Variants in MFSD12 observed in about 807,000 individuals in gnomAD.
MFSD12 encodes the protein major facilitator superfamily domain containing 12, also known as major facilitator superfamily domain-containing protein 12.
Under a neutral mutation model 51.2 loss-of-function variants are expected in MFSD12, and 67 were observed. The observed-to-expected ratio is 1.31, with a 90% CI of 1.08 to 1.60. MFSD12 has a LOEUF of 1.60. MFSD12 is among the 40% of genes most tolerant of loss of function. The pLI is 0.00. For synonymous variants in MFSD12, 441 were observed against 316.7 expected (o/e 1.39, Z -4.17); for missense variants, 921 against 673.0 (o/e 1.37, Z -4.08).
chr19:3,543,331 C>T (rs762235387), downstream of MFSD12: 15 of 1,549,270 alleles, frequency 9.7e-6, no homozygotes, highest in South Asian at 1.5e-4. Flanking sequence ...ACGCAGCCGG[C>T]CAGCTGTGGT....
chr19:3,544,717 C>T lies in MFSD12; in HGVS notation c.1436G>A (p.Arg479Gln), dbSNP rs185575155. The change falls in exon 10 of 10, where the codon CGG becomes CAG. Residue 479 changes from arginine to glutamine, a missense_variant. By Grantham distance (43) the Arg-to-Gln change is conservative. Transcript: ENST00000355415. ...GCAGGAGGCTGTCAGGAGTCAGGGC[C>T]GGGCATCACGGTCCCCTGCAAGGGA... ...TRLRRWDRDA[R>Q]P 171 of 1,455,852 alleles carry T rather than the reference C, an allele frequency of 1.2e-4. No individual in the cohort carries two copies. Among genetic ancestry groups the T allele is most frequent in the Admixed American group, 2.8e-4 (15 of 54,348 alleles). 90.2% of individuals were successfully genotyped at this position (1,455,852 alleles called of 1,614,324 possible).
downstream of MFSD12, chr19:3,544,090 C>T (rs115095214): frequency 1.6e-3 from 2,275 of 1,449,414 alleles, 31 homozygotes; most frequent in African/African-American, 0.019. Context: ...ACCAGAGGCT[C>T]GGGACAGAGG....
downstream of MFSD12, chr19:3,541,771 A>C (rs1307577066): frequency 5.1e-6 from 5 of 985,244 alleles, no homozygotes; most frequent in Non-Finnish European, 4.8e-6. Flanking sequence ...GGCCGACAGC[A>C]GGGGTGAGGG....
At chr19:3,543,987 TCCCTC>T, downstream of MFSD12, 1 of 1,546,392 alleles carries the variant, frequency 6.5e-7, no homozygotes, top group Non-Finnish European at 8.7e-7. Context: ...GTCCCCGCCT[TCCCTC>T]ACACCCACTC....
At chr19:3,543,872 A>G, downstream of MFSD12, 1 of 1,549,892 alleles carries the variant, frequency 6.5e-7, no homozygotes, top group East Asian at 2.4e-5. Flanking sequence ...TGTGGAGGGC[A>G]TCAGACTACG....
downstream of MFSD12, chr19:3,544,043 G>A (rs1043685031): frequency 7.3e-6 from 11 of 1,501,670 alleles, no homozygotes; most frequent in African/African-American, 4.2e-5. Flanking sequence ...CACTGTCTCT[G>A]CACCCAGATG....
chr19:3,543,535 C>T, downstream of MFSD12: 1 of 1,515,898 alleles, frequency 6.6e-7, no homozygotes, highest in Non-Finnish European at 8.8e-7. Flanking sequence ...GAATGACCGC[C>T]AGCCCCCGCC....
Position 3,544,249 on chromosome 19 carries a change from C to A in MFSD12, c.*461G>T. On this transcript the variant is annotated 3_prime_UTR_variant, in exon 10 of 10. Coordinates refer to ENST00000355415, the MANE Select transcript of MFSD12 (RefSeq NM_174983.5). ...AGCAGAGTCCACCAAGCCTGCCGGG[C>A]AGCCCTGCTGCCCACCACGGTGGGG... The A allele has an allele frequency of 7.6e-7, 1 of 1,319,206 alleles. No individual in the cohort carries two copies. Among genetic ancestry groups the A allele is most frequent in the Non-Finnish European group, 9.7e-7 (1 of 1,036,254 alleles). The allele number at this position is 1,319,206 out of a possible 1,614,324, so 81.7% of individuals were successfully genotyped here.
In MFSD12 at chr19:3,547,992, G is replaced by C. The variant is rs374209939; in HGVS notation, c.693C>G (p.Phe231Leu). The C allele has an allele frequency of 8.8e-6, 14 of 1,598,976 alleles. No homozygotes were observed. Among genetic ancestry groups the C allele is most frequent in the African/African-American group, 1.3e-5 (1 of 74,736 alleles). Residue 231 changes from phenylalanine to leucine, a missense_variant, in exon 4 of 10, where the codon TTC becomes TTG. By Grantham distance (22) the Phe-to-Leu change is conservative (BLOSUM62 0). Coordinates refer to ENST00000355415, the MANE Select transcript of MFSD12 (RefSeq NM_174983.5). ...SLLVVGVGAV[F>L]SLLFHLGTRE... ...GGGTGCCCAGGTGGAATAGCAGTGA[G>C]AACACGGCGCCGACACCCACCACCA...
intron 3 of MFSD12, 46 bp from the exon 4 acceptor site, chr19:3,548,076 G>GC (rs763065475): frequency 6.2e-7 from 1 of 1,600,244 alleles, no homozygotes; most frequent in Non-Finnish European, 8.5e-7. Context: ...CCCAGCCCCC[G>GC]CCCCTGGCTC....
chr19:3,543,369 G>A, downstream of MFSD12: 2 of 1,549,274 alleles, frequency 1.3e-6, no homozygotes, highest in Non-Finnish European at 1.7e-6. Flanking sequence ...TCGGACGCCT[G>A]GGAAGCCTGG....
rs866366096 is a variant in MFSD12 at position 3,547,454 on chromosome 19, C to A, written c.930+1G>T. On this transcript the variant is annotated splice_donor_variant, in intron 5 of 9. Transcript: ENST00000355415. LOFTEE classifies it high-confidence loss of function. ...CAGCGTCCCCGCCCCAATCTGCTCA[C>A]CTTGGGCAGGTGGAGCGAGTAGGTG... 1.9e-6 allele frequency: 3 copies of A among 1,612,848 alleles called. No individual in the cohort carries two copies. The highest frequency in any genetic ancestry group is 2.5e-6 in the Non-Finnish European group (3 of 1,179,768).
downstream of MFSD12, chr19:3,544,089 TCGGGACAGAGGCA>T: frequency 6.9e-7 from 1 of 1,450,108 alleles, no homozygotes; most frequent in Non-Finnish European, 9.2e-7. Context: ...GACCAGAGGC[TCGGGACAGAGGCA>T]GACACTGGGC....
chr19:3,551,045 G>C lies in MFSD12; in HGVS notation c.448C>G (p.Leu150Val). 1 of 1,612,986 alleles carries C rather than the reference G, an allele frequency of 6.2e-7. No homozygotes were observed. The highest frequency in any genetic ancestry group is 8.5e-7 in the Non-Finnish European group (1 of 1,180,012). Residue 150 changes from leucine to valine, a missense_variant, in exon 2 of 10, where the codon CTC becomes GTC. By Grantham distance (32) the Leu-to-Val change is conservative (BLOSUM62 1). Transcript: ENST00000355415. This position sits in a 1 kb window ranked among gnomAD's most constrained non-coding sequence, Gnocchi z 4.6. ...GTGACGAGCTCCGGGATGAGGCTGA[G>C]GTGGGAGATCTGTGTGGAGGCCCAG... ...FGWASTQISH[L>V]SLIPELVTND...
At position 3,546,420 on chromosome 19, in the gene MFSD12, G is replaced by A; in HGVS notation, c.1029C>T (p.Thr343=). ...PINKCIGRNM[T]YFSGLLVILA... is the part of the protein sequence containing the mutation. ...GGATCACCAGGAGGCCTGAGAAGTA[G>A]GTCATCTGCAGGGACAGCCCCGGGG... The change falls in exon 7 of 10, where the codon ACC becomes ACT. Residue 343 remains threonine (T), a synonymous_variant. Transcript: ENST00000355415. 6.2e-7 allele frequency: 1 copy of A among 1,604,918 alleles called. No homozygotes were observed.
chr19:3,539,877 G>T (rs2030216841), downstream of MFSD12: 1 of 152,274 alleles, frequency 6.6e-6, no homozygotes, highest in South Asian at 2.1e-4. Flanking sequence ...ATTATCAATT[G>T]TTTAAACAAT....
downstream of MFSD12, chr19:3,542,956 C>A: frequency 6.6e-7 from 1 of 1,518,892 alleles, no homozygotes. Context: ...CTCTCCCCTC[C>A]CTCTTCTCCA....
rs980876852 is a variant in MFSD12 at position 3,551,341 on chromosome 19, G to A, written c.299-147C>T. Reference sequence around the variant, plus strand: ...CACAGTCACGCAGGAGCGAGGGTCTGCAGTCGGGGTCCCCCAGGCTTATGG... The same window carrying A: ...CACAGTCACGCAGGAGCGAGGGTCTACAGTCGGGGTCCCCCAGGCTTATGG... On this transcript the variant is annotated intron_variant, in intron 1 of 9. Coordinates refer to ENST00000355415, the MANE Select transcript of MFSD12 (RefSeq NM_174983.5). The surrounding 1 kb of genome is among the most constrained non-coding windows in gnomAD (Gnocchi z 4.6). 9 of 645,958 alleles carry A rather than the reference G, an allele frequency of 1.4e-5. No individual in the cohort carries two copies. Among genetic ancestry groups the A allele is most frequent in the South Asian group, 2.1e-5 (1 of 47,890 alleles). The allele number at this position is 645,958 out of a possible 1,614,324, so 40.0% of individuals were successfully genotyped here. A position where few individuals can be genotyped will look rare whatever the true frequency, so the allele number is the denominator to read the frequency against.
At chr19:3,538,474 A>C (rs2030082221) in exon 5 of MFSD12, 1 of 317,674 alleles carries the variant, frequency 3.1e-6, no homozygotes. Flanking sequence ...GGCACCCACG[A>C]ATCCTCTCCC....
Sources: allele counts gnomAD v4.1 joint callset, GRCh38; gene constraint gnomAD v4.1.1; non-coding constraint Gnocchi (gnomAD v3.1); transcripts MANE v1.5; gene names NCBI Gene and HGNC (gene_info 2026-07-23, HGNC 2026-07-21).